Variants in EPHA6 observed in about 807,000 individuals in gnomAD.
The protein encoded by EPHA6 is ephrin type-A receptor 6.
In EPHA6, 50 loss-of-function variants were observed where a neutral mutation model predicts 112.0. The observed-to-expected ratio is 0.45, with a 90% CI of 0.36 to 0.56. The LOEUF (loss-of-function observed/expected upper bound fraction) is 0.56, where lower values mean the gene tolerates loss of function less well. Among genes scored for constraint, EPHA6 ranks in the 20% least tolerant of loss-of-function variants. EPHA6 has a pLI of 0.00. For missense variants in EPHA6, 1,280 were observed against 1,417.4 expected, an observed-to-expected ratio of 0.90 and a Z score of 1.56; for synonymous variants, 529 against 490.7, an observed-to-expected ratio of 1.08 and a Z score of -1.03.
chr3:97,488,470 C>A (rs2107513166), intron 10 of EPHA6, among the ~76,000 whole-genome samples: 1 of 152,328 alleles, frequency 6.6e-6, no homozygotes, highest in African/African-American at 2.4e-5. Flanking sequence ...ATGTTCACTT[C>A]ATGTGCCTCT....
At chr3:97,600,732 CA>C (rs2093636376) in intron 12 of EPHA6, among the ~76,000 whole-genome samples, 1 of 151,560 alleles carries the variant, frequency 6.6e-6, no homozygotes, top group South Asian at 2.1e-4. Context: ...CTAAAGAATT[CA>C]ATGTTCTATA....
At chr3:97,488,797 T>C (rs1330209273) in intron 10 of EPHA6, among the ~76,000 whole-genome samples, 1 of 152,232 alleles carries the variant, frequency 6.6e-6, no homozygotes, top group Non-Finnish European at 1.5e-5. Context: ...CATTTTCTTG[T>C]GTATTCTTGA....
intron 5 of EPHA6, among the ~76,000 whole-genome samples, chr3:97,324,461 C>CTTTCTTTCTTTCTTTCTTTT (rs2082306107): frequency 7.2e-6 from 1 of 138,918 alleles, no homozygotes; most frequent in Non-Finnish European, 1.6e-5. Flanking sequence ...TTCTTTCTTT[C>CTTTCTTTCTTTCTTTCTTTT]TTTCTTTCTT....
chr3:96,996,062 T>TA (rs2043408576), intron 3 of EPHA6, among the ~76,000 whole-genome samples: 1 of 152,166 alleles, frequency 6.6e-6, no homozygotes, highest in Non-Finnish European at 1.5e-5. Context: ...TAAGTTGAAA[T>TA]AATATTGTAA....
At chr3:97,408,512 G>T (rs1482949374) in intron 6 of EPHA6, among the ~76,000 whole-genome samples, 1 of 151,668 alleles carries the variant, frequency 6.6e-6, no homozygotes, top group African/African-American at 2.4e-5. Context: ...CTCTTAGTCT[G>T]TTTCGGCTAT....
At chr3:97,167,642 T>C (rs762351286) in intron 3 of EPHA6, among the ~76,000 whole-genome samples, 32 of 152,112 alleles carry the variant, frequency 2.1e-4, no homozygotes, top group Non-Finnish European at 3.4e-4. Flanking sequence ...AGATATAAGG[T>C]GTCATAAAAG....
chr3:96,890,566 T>A (rs1278332780), intron 2 of EPHA6, among the ~76,000 whole-genome samples: 1 of 152,236 alleles, frequency 6.6e-6, no homozygotes, highest in Non-Finnish European at 1.5e-5. Flanking sequence ...AATTCTTTAT[T>A]CTTTTTTTGG....
Position 97,589,048 on chromosome 3 carries a change from A to G in EPHA6, c.2387-3564A>G, listed in dbSNP as rs555273546. On this transcript the variant is annotated intron_variant, in intron 11 of 17. Transcript: ENST00000389672. ...CCAGAGTTTAAGTCAAGCTTGTCCAACCTGTGGCCTGGGAGCCTCATGTGG... is the reference window on the plus strand; with the variant it reads ...CCAGAGTTTAAGTCAAGCTTGTCCAGCCTGTGGCCTGGGAGCCTCATGTGG... 3.3e-3 allele frequency among the ~76,000 whole-genome samples: 502 copies of G among 152,226 alleles called. 2 individuals are homozygous for G. Among genetic ancestry groups the G allele is most frequent in the African/African-American group, 0.011 (462 of 41,540 alleles).
intron 14 of EPHA6, among the ~76,000 whole-genome samples, chr3:97,650,490 T>C (rs1428217170): frequency 2.6e-5 from 4 of 151,976 alleles, no homozygotes; most frequent in African/African-American, 9.7e-5. Flanking sequence ...TGAAAAAGAT[T>C]TTAAGATTAT....
chr3:97,030,452 G>A (rs1281303704), intron 3 of EPHA6, among the ~76,000 whole-genome samples: 3 of 152,048 alleles, frequency 2.0e-5, no homozygotes, highest in Non-Finnish European at 4.4e-5. Context: ...TCCAGAGTTA[G>A]AGCCATAGAG....
intron 5 of EPHA6, among the ~76,000 whole-genome samples, chr3:97,246,345 T>C (rs2078986307): frequency 2.0e-5 from 3 of 151,912 alleles, no homozygotes. Context: ...ATTTCACACA[T>C]ACAGCAGCCT....
At chr3:97,166,540 A>G (rs1464237693) in intron 3 of EPHA6, among the ~76,000 whole-genome samples, 1 of 152,118 alleles carries the variant, frequency 6.6e-6, no homozygotes. Context: ...ACAAAAATCC[A>G]TATTTATTCA....
rs143711787 is a variant in EPHA6, at chr3:97,301,112, A to G, written c.1606+56825A>G. 7.4e-4 allele frequency among the ~76,000 whole-genome samples: 112 copies of G among 152,258 alleles called. 1 individual carries two copies. Among genetic ancestry groups the G allele is most frequent in the African/African-American group, 2.6e-3 (110 of 41,562 alleles). Reference sequence around the variant, plus strand: ...CTAGGAACAGTCTTCAGTCCTGGCAATGATCACTTGTGTATCTTCTCCCAT... The same window carrying G: ...CTAGGAACAGTCTTCAGTCCTGGCAGTGATCACTTGTGTATCTTCTCCCAT... On this transcript the variant is annotated intron_variant, in intron 5 of 17. Coordinates refer to ENST00000389672, the MANE Select transcript of EPHA6 (RefSeq NM_001080448.3).
At chr3:97,245,703 C>A (rs1297860615) in intron 5 of EPHA6, among the ~76,000 whole-genome samples, 1 of 151,620 alleles carries the variant, frequency 6.6e-6, no homozygotes, top group African/African-American at 2.4e-5. Flanking sequence ...TAGTGGTTGC[C>A]AGGGCTTAGA....
intron 6 of EPHA6, among the ~76,000 whole-genome samples, chr3:97,417,344 C>G (rs534158430): frequency 6.6e-6 from 1 of 152,008 alleles, no homozygotes; most frequent in South Asian, 2.1e-4. Context: ...TGTAATCATT[C>G]AATAAAAATT....
intron 2 of EPHA6, among the ~76,000 whole-genome samples, chr3:96,925,188 T>G (rs2039969817): frequency 6.6e-6 from 1 of 152,166 alleles, no homozygotes; most frequent in African/African-American, 2.4e-5. Context: ...AGTCCCTCCT[T>G]TTTAATTTTT....
At chr3:96,988,458 TG>T (rs2043099653) in intron 3 of EPHA6, among the ~76,000 whole-genome samples, 2 of 152,172 alleles carry the variant, frequency 1.3e-5, no homozygotes, top group South Asian at 4.1e-4. Context: ...GTGATTTCCC[TG>T]GTGTTCACAT....
chr3:97,215,626 T>C (rs969208324), intron 3 of EPHA6, among the ~76,000 whole-genome samples: 2 of 148,172 alleles, frequency 1.3e-5, no homozygotes, highest in East Asian at 2.0e-4. Context: ...AAAAAAAAAA[T>C]AGAAAATTAG....
At chr3:97,616,181 G>A (rs908275958) in intron 13 of EPHA6, among the ~76,000 whole-genome samples, 1 of 152,074 alleles carries the variant, frequency 6.6e-6, no homozygotes, top group Non-Finnish European at 1.5e-5. Flanking sequence ...AAAATCCAAG[G>A]CAACCAGGCA....
Sources: allele counts gnomAD v4.1 joint callset (sites outside exome capture counted in the v4.1 genomes callset), GRCh38; gene constraint gnomAD v4.1.1; transcripts MANE v1.5; gene names NCBI Gene and HGNC (gene_info 2026-07-23, HGNC 2026-07-21).